The following STRN variants were observed in gnomAD, a reference collection of about 807,000 sequenced individuals.
STRN encodes striatin, also known as protein phosphatase 2 regulatory subunit B'''alpha.
In STRN, 53 loss-of-function variants were observed where a neutral mutation model predicts 96.3. The ratio of observed to expected loss-of-function variants is 0.55; its 90% CI spans 0.44 to 0.69. The LOEUF is 0.69. Ranked by LOEUF, STRN falls within the 30% of genes least tolerant of loss-of-function variation. STRN has a pLI of 0.00. For synonymous variants in STRN, 428 were observed against 355.9 expected, an observed-to-expected ratio of 1.20 and a Z score of -2.28; for missense variants, 987 against 963.9, an observed-to-expected ratio of 1.02 and a Z score of -0.32.
intron 10 of STRN, among the ~76,000 whole-genome samples, chr2:36,874,071 C>A (rs1038299577): frequency 6.6e-6 from 1 of 150,604 alleles, no homozygotes; most frequent in Non-Finnish European, 1.5e-5. Flanking sequence ...CTGGCTAACA[C>A]GGTGAAAACC....
intron 1 of STRN, among the ~76,000 whole-genome samples, chr2:36,962,089 A>G (rs1294301336): frequency 6.6e-6 from 1 of 152,168 alleles, no homozygotes; most frequent in East Asian, 1.9e-4. Context: ...TGCCTCAACA[A>G]TTTAAGCTTC....
intron 3 of STRN, among the ~76,000 whole-genome samples, chr2:36,912,930 T>C (rs1193621219): frequency 6.6e-6 from 1 of 152,246 alleles, no homozygotes; most frequent in Non-Finnish European, 1.5e-5. Flanking sequence ...AAGTAGTTCC[T>C]GTGCTTGCCT....
intron 1 of STRN, among the ~76,000 whole-genome samples, chr2:36,933,561 T>C (rs555660202): frequency 6.6e-6 from 1 of 152,176 alleles, no homozygotes; most frequent in Non-Finnish European, 1.5e-5. Flanking sequence ...GTTAAGGCAA[T>C]GGAGAAGCTA....
chr2:36,964,176 G>A (rs528025539), intron 1 of STRN, among the ~76,000 whole-genome samples: 2 of 100,656 alleles, frequency 2.0e-5, no homozygotes, highest in African/African-American at 4.7e-5. Flanking sequence ...GGGAGTGAAC[G>A]GGGCGGGGCG....
intron 3 of STRN, among the ~76,000 whole-genome samples, chr2:36,915,039 T>C (rs1365640420): frequency 2.7e-5 from 4 of 150,396 alleles, no homozygotes. Context: ...CTATTAAAAA[T>C]ACAAAAAATT....
In STRN at chr2:36,848,098, A is replaced by G. The variant is rs1472557362; in HGVS notation, c.*1358T>C. The G allele has an allele frequency of 6.6e-6, 1 of 151,928 alleles. No individual in the cohort carries two copies. Among genetic ancestry groups the G allele is most frequent in the African/African-American group, 2.4e-5 (1 of 41,432 alleles). 9.4% of individuals were successfully genotyped at this position (151,928 alleles called of 1,614,324 possible). A position where few individuals can be genotyped will look rare whatever the true frequency, so the allele number is the denominator to read the frequency against. The stretch of plus-strand genomic sequence containing the variant: ...GGGTCTTCAGAATCCCAAAAGGTGA[A>G]CACATGTAGGTGGGTCACAGGTAAG... On this transcript the variant is annotated 3_prime_UTR_variant, in exon 18 of 18. Transcript: ENST00000263918.
chr2:36,944,998 T>G (rs1246164509), intron 1 of STRN, among the ~76,000 whole-genome samples: 1 of 152,136 alleles, frequency 6.6e-6, no homozygotes, highest in Non-Finnish European at 1.5e-5. Flanking sequence ...CAGTACTTAG[T>G]CAAATCAAGT....
At chr2:36,875,022 G>A (rs1668865594) in intron 10 of STRN, among the ~76,000 whole-genome samples, 1 of 152,120 alleles carries the variant, frequency 6.6e-6, no homozygotes, top group African/African-American at 2.4e-5. Flanking sequence ...TCTTTTAGAA[G>A]ATAAACATAT....
At chr2:36,941,183 T>A (rs1670837241) in intron 1 of STRN, among the ~76,000 whole-genome samples, 2 of 152,152 alleles carry the variant, frequency 1.3e-5, no homozygotes, top group Admixed American at 6.5e-5. Context: ...ATTAAAATGA[T>A]AAAACCCAAT....
intron 1 of STRN, among the ~76,000 whole-genome samples, chr2:36,951,152 G>A (rs1435056340): frequency 6.6e-6 from 1 of 152,156 alleles, no homozygotes; most frequent in Admixed American, 6.5e-5. Flanking sequence ...AAATGTTACA[G>A]GGCCCTACTG....
intron 11 of STRN, among the ~76,000 whole-genome samples, chr2:36,869,156 A>G (rs980411622): frequency 6.6e-5 from 10 of 152,182 alleles, no homozygotes; most frequent in Non-Finnish European, 1.5e-4. Context: ...GCTCCATCTC[A>G]TAAGTCTAAA....
chr2:36,894,917 G>A (rs1005059470), intron 6 of STRN, among the ~76,000 whole-genome samples: 1 of 152,110 alleles, frequency 6.6e-6, no homozygotes, highest in African/African-American at 2.4e-5. Context: ...TCAAAAACAA[G>A]ATACAGCCTC....
chr2:36,957,756 T>A (rs1422894129), intron 1 of STRN, among the ~76,000 whole-genome samples: 2 of 107,532 alleles, frequency 1.9e-5, no homozygotes, highest in African/African-American at 6.9e-5. Context: ...TTTTTTTTTT[T>A]TTTTTTTTTT....
chr2:36,942,732 G>A (rs1400988549), intron 1 of STRN, among the ~76,000 whole-genome samples: 2 of 152,012 alleles, frequency 1.3e-5, no homozygotes, highest in East Asian at 3.9e-4. Flanking sequence ...GTCTTGCTCT[G>A]TTGCCCAGGC....
intron 1 of STRN, among the ~76,000 whole-genome samples, chr2:36,964,593 T>C (rs1572706381): frequency 6.6e-6 from 1 of 152,118 alleles, no homozygotes; most frequent in African/African-American, 2.4e-5. Flanking sequence ...TGCCAAATAA[T>C]ATAAACATGT....
chr2:36,956,700 G>A (rs1664898164), intron 1 of STRN, among the ~76,000 whole-genome samples: 18 of 152,128 alleles, frequency 1.2e-4, no homozygotes, highest in Admixed American at 1.2e-3. Flanking sequence ...CAAGATTTTG[G>A]AGAAAAACTG....
In STRN at chr2:36,859,904, A is replaced by G. The variant is rs140822234; in HGVS notation, c.1669+1228T>C. 2.0e-3 allele frequency among the ~76,000 whole-genome samples: 307 copies of G among 152,336 alleles called. 3 individuals are homozygous for G. Among genetic ancestry groups the G allele is most frequent in the African/African-American group, 7.0e-3 (292 of 41,582 alleles). The stretch of plus-strand genomic sequence containing the variant: ...CAATCTTGTTACATGTAAGTGTTGT[A>G]GCCAGAAGCCAGAATGTAGACAGAT... On this transcript the variant is annotated intron_variant, in intron 13 of 17. Transcript: ENST00000263918.
chr2:36,936,544 C>G (rs1670706016), intron 1 of STRN, among the ~76,000 whole-genome samples: 1 of 152,072 alleles, frequency 6.6e-6, no homozygotes, highest in Admixed American at 6.6e-5. Flanking sequence ...ATATATAGAT[C>G]AAAATTTTGT....
At chr2:36,872,536 T>G (rs1668789110) in intron 10 of STRN, among the ~76,000 whole-genome samples, 1 of 152,208 alleles carries the variant, frequency 6.6e-6, no homozygotes, top group Non-Finnish European at 1.5e-5. Flanking sequence ...AATAAATGTT[T>G]TTTGTTTTAA....
Sources: gnomAD v4.1 joint callset for allele counts (sites outside exome capture counted in the v4.1 genomes callset) on GRCh38, gnomAD v4.1.1 for gene constraint, MANE v1.5 for transcripts, NCBI Gene and HGNC (gene_info 2026-07-23, HGNC 2026-07-21) for gene names.